VPS13D: variants seen among roughly 807,000 people sequenced by gnomAD.
The protein encoded by VPS13D is vacuolar protein sorting 13 homolog D.
A neutral mutation model predicts 461.9 loss-of-function variants in VPS13D; 187 were observed. The observed-to-expected ratio is 0.40, with a 90% CI of 0.36 to 0.46. The LOEUF (loss-of-function observed/expected upper bound fraction) is 0.46, where lower values mean the gene tolerates loss of function less well. Ranked by LOEUF, VPS13D falls within the 20% of genes least tolerant of loss-of-function variation. VPS13D has a pLI of 0.60. For missense variants in VPS13D, 4,711 were observed against 5,364.9 expected (o/e 0.88, Z 3.81); for synonymous variants, 1,951 against 1,986.3 (o/e 0.98, Z 0.47).
chr1:12,285,962 CCTTTCCTTTCCTTTCCTTTCCTTTCCTT>C lies in VPS13D; in HGVS notation c.5634+2227_5635-2233del, dbSNP rs1216511898. Among the ~76,000 whole-genome samples the C allele has an allele frequency of 2.1e-3, 282 of 133,570 alleles. 1 individual carries two copies. Among genetic ancestry groups the C allele is most frequent in the South Asian group, 5.2e-3 (19 of 3,664 alleles). 87.6% of individuals were successfully genotyped at this position (133,570 alleles called of 152,430 possible). A position where few individuals can be genotyped will look rare whatever the true frequency, so the allele number is the denominator to read the frequency against. On this transcript the variant is annotated intron_variant, in intron 21 of 69. Coordinates refer to ENST00000620676, the MANE Select transcript of VPS13D (RefSeq NM_015378.4). ...CCTTTCCTTTCCTTTCCTTTCCTTT[CCTTTCCTTTCCTTTCCTTTCCTTTCCTT>C]TCCTCTCCTCTCCTCTCCTCTCCTC...
At chr1:12,425,307 C>T (rs1236011246) in intron 65 of VPS13D, among the ~76,000 whole-genome samples, 1 of 152,082 alleles carries the variant, frequency 6.6e-6, no homozygotes, top group Non-Finnish European at 1.5e-5. Flanking sequence ...CCTGTAATCC[C>T]AGCACTTTGG....
chr1:12,385,122 C>A, intron 58 of VPS13D, 138 bp from the exon 59 acceptor site: 1 of 663,256 alleles, frequency 1.5e-6, no homozygotes, highest in Admixed American at 3.2e-5. Context: ...CTTACCTTAC[C>A]AGTGCTTTGG....
In VPS13D at chr1:12,311,496, T is replaced by C. The variant is rs1253989419; in HGVS notation, c.6693T>C (p.Asn2231=). The C allele has an allele frequency of 6.2e-7, 1 of 1,614,090 alleles. No homozygotes were observed. The highest frequency in any genetic ancestry group is 8.5e-7 in the Non-Finnish European group (1 of 1,180,006). The change falls in exon 28 of 70, where the codon AAT becomes AAC. Residue 2231 remains asparagine, a synonymous_variant. Transcript: ENST00000620676. The part of the protein sequence containing the change: ...HTVPDISIHG[N]LSSVHCSLDL... ...TGCCAGACATATCTATCCATGGCAA[T>C]CTCTCCTCAGTCCACTGCTCTCTGG... is the stretch of plus-strand genomic sequence containing the variant.
intron 60 of VPS13D, among the ~76,000 whole-genome samples, chr1:12,386,795 G>A (rs1415909208): frequency 3.3e-5 from 5 of 152,198 alleles, no homozygotes. Context: ...ATCAGACAAT[G>A]AAGGACAGTG....
chr1:12,282,582 C>T (rs1219625363), intron 20 of VPS13D, 123 bp from the exon 21 acceptor site: 2 of 946,674 alleles, frequency 2.1e-6, no homozygotes, highest in African/African-American at 3.3e-5. Flanking sequence ...AAGAGATAGT[C>T]TTTGCTATCA....
rs1641846697 is a variant in VPS13D at position 12,283,295 on chromosome 1, A to C, written c.5193A>C (p.Glu1731Asp). The C allele has an allele frequency of 6.2e-7, 1 of 1,614,166 alleles. No individual in the cohort carries two copies. Among genetic ancestry groups the C allele is most frequent in the Non-Finnish European group, 8.5e-7 (1 of 1,180,034 alleles). Reference sequence around the variant, plus strand: ...GGTCTCTCCCTTCCCACATGGAAGAAGCTCCTAATGTCTTCCAGTTGTATC... The same window carrying C: ...GGTCTCTCCCTTCCCACATGGAAGACGCTCCTAATGTCTTCCAGTTGTATC... ...MPRSLPSHMEEAPNVFQLYQR... is the reference protein window; with the variant it reads ...MPRSLPSHMEDAPNVFQLYQR... Residue 1731 changes from glutamate (E) to aspartate (D), a missense_variant, in exon 21 of 70, where the codon GAA becomes GAC. Glu to Asp is a conservative substitution (Grantham distance 45). Transcript: ENST00000620676.
chr1:12,493,931 T>C (rs1238766808), intron 67 of VPS13D, among the ~76,000 whole-genome samples: 1 of 152,206 alleles, frequency 6.6e-6, no homozygotes, highest in Admixed American at 6.5e-5. Context: ...GGCACTGACA[T>C]TGATGAGGTG....
In VPS13D at chr1:12,254,513, C is replaced by CTT. The variant is rs1017635589; in HGVS notation, c.669+714_669+715dup. ...TGTGAAGGATTAAAAAAATCTCAAT[C>CTT]TTTTTTTTTTTTTTTTTTTTTTTTT... On this transcript the variant is annotated intron_variant, in intron 7 of 69. Coordinates refer to ENST00000620676, the MANE Select transcript of VPS13D (RefSeq NM_015378.4). Among the ~76,000 whole-genome samples the CTT allele has an allele frequency of 9.0e-3, 706 of 78,242 alleles. 136 individuals carry two copies. Among genetic ancestry groups the CTT allele is most frequent in the African/African-American group, 0.023 (461 of 20,144 alleles). The allele number at this position is 78,242 out of a possible 152,430, so 51.3% of individuals were successfully genotyped here. A position where few individuals can be genotyped will look rare whatever the true frequency, so the allele number is the denominator to read the frequency against.
rs776425512 is a variant in VPS13D at position 12,293,558 on chromosome 1, C to T, written c.5887C>T (p.His1963Tyr). The T allele has an allele frequency of 4.0e-5, 64 of 1,613,718 alleles. No homozygotes were observed. In the South Asian group the frequency reaches 4.9e-4, roughly 12 times the overall value. Residue 1963 changes from histidine to tyrosine, a missense_variant, in exon 24 of 70, where the codon CAC becomes TAC. This residue lies in a region of VPS13D where 4,411 missense variants were observed against 4,937.8 expected (regional missense o/e 0.89). Coordinates refer to ENST00000620676, the MANE Select transcript of VPS13D (RefSeq NM_015378.4). ...GRPDPLLRRE[H>Y]DIRVSLRMAS... The stretch of plus-strand genomic sequence containing the variant: ...GCCTGACCCTCTGCTCCGGAGAGAA[C>T]ACGACATTCGCGTGAGCCTCCGGAT...
chr1:12,271,525 T>TGG (rs1641438690), intron 17 of VPS13D, among the ~76,000 whole-genome samples: 1 of 151,926 alleles, frequency 6.6e-6, no homozygotes, highest in Admixed American at 6.6e-5. Flanking sequence ...AAGAATTAGC[T>TGG]GGGCATGGTG....
chr1:12,342,634 T>C (rs1014364835), intron 41 of VPS13D, among the ~76,000 whole-genome samples: 4 of 152,258 alleles, frequency 2.6e-5, no homozygotes, highest in African/African-American at 9.6e-5. Flanking sequence ...ATGCCTTAAT[T>C]CACATGTACC....
At position 12,319,582 on chromosome 1, in the gene VPS13D, G is replaced by A; in HGVS notation, c.7500G>A (p.Lys2500=). ...AAGGCACCACAGTGCTCACCTATAA[G>A]CCCCGGTTTGTTGATCGCCCCTTTT... The part of the protein sequence containing the change: ...ILKGTTVLTY[K]PRFVDRPFSG... Residue 2500 remains lysine, a synonymous_variant, in exon 32 of 70, where the codon AAG becomes AAA. Coordinates refer to ENST00000620676, the MANE Select transcript of VPS13D (RefSeq NM_015378.4). 6.2e-7 allele frequency: 1 copy of A among 1,614,176 alleles called. No individual in the cohort carries two copies. The highest frequency in any genetic ancestry group is 1.1e-5 in the South Asian group (1 of 91,084).
intron 60 of VPS13D, among the ~76,000 whole-genome samples, chr1:12,392,994 C>T (rs1010195805): frequency 3.9e-5 from 6 of 152,148 alleles, no homozygotes; most frequent in African/African-American, 1.4e-4. Context: ...CAAATAGGCC[C>T]ACTAGGCATT....
chr1:12,500,856 A>T (rs1646025902), intron 68 of VPS13D, among the ~76,000 whole-genome samples: 1 of 149,882 alleles, frequency 6.7e-6, no homozygotes, highest in African/African-American at 2.4e-5. Context: ...TGAGGCCGGG[A>T]GTTCAAGACC....
chr1:12,267,106 T>A (rs1419872705), intron 14 of VPS13D, 95 bp downstream of exon 14: 1 of 1,331,646 alleles, frequency 7.5e-7, no homozygotes, highest in Admixed American at 2.7e-5. Context: ...TGACATTTGA[T>A]CATCTTGAGA....
At chr1:12,441,133 CCAGGCTGGT>C (rs1451900731) in intron 65 of VPS13D, among the ~76,000 whole-genome samples, 2 of 152,080 alleles carry the variant, frequency 1.3e-5, no homozygotes, top group African/African-American at 4.8e-5. Context: ...GCCATGTTGA[CCAGGCTGGT>C]CTCAAAACTC....
Position 12,324,881 on chromosome 1 carries a change from C to A in VPS13D, c.7990+1101C>A, listed in dbSNP as rs370642278. Among the ~76,000 whole-genome samples the A allele has an allele frequency of 3.9e-5, 6 of 152,290 alleles. No homozygotes were observed. In the East Asian group the frequency reaches 9.6e-4, roughly 24 times the overall value. ...ATTATTCCCACTTGAAATGAGGAAA[C>A]CAGCTCAGATTGGTTAGGTAAAACT... On this transcript the variant is annotated intron_variant, in intron 35 of 69. Transcript: ENST00000620676.
chr1:12,506,018 C>T (rs1012977287), intron 68 of VPS13D, among the ~76,000 whole-genome samples: 15 of 152,328 alleles, frequency 9.8e-5, no homozygotes, highest in African/African-American at 2.4e-4. Flanking sequence ...ACTGCCACTC[C>T]GTCGTCAGCC....
intron 1 of VPS13D, among the ~76,000 whole-genome samples, chr1:12,232,723 C>A (rs761972641): frequency 2.1e-5 from 3 of 144,436 alleles, no homozygotes; most frequent in African/African-American, 7.9e-5. Context: ...ATCTAAATAC[C>A]GTGGCTGGAG....
Sources: gnomAD v4.1 joint callset for allele counts (sites outside exome capture counted in the v4.1 genomes callset) on GRCh38, gnomAD v4.1.1 for gene constraint, gnomAD v4.1.1 regional missense constraint, MANE v1.5 for transcripts, NCBI Gene and HGNC (gene_info 2026-07-23, HGNC 2026-07-21) for gene names.